The following IL1RAPL2 variants were observed in gnomAD, a reference collection of about 807,000 sequenced individuals.
IL1RAPL2 encodes the protein interleukin 1 receptor accessory protein like 2.
Under a neutral mutation model 44.1 loss-of-function variants are expected in IL1RAPL2, and 3 were observed. That is an observed-to-expected ratio of 0.07 (90% CI 0.03 to 0.18). The LOEUF is 0.18. IL1RAPL2 is among the 10% of genes least tolerant of loss of function. The pLI is 1.00. For missense variants in IL1RAPL2, 391 were observed against 496.4 expected, an observed-to-expected ratio of 0.79 and a Z score of 2.02; for synonymous variants, 181 against 178.8, an observed-to-expected ratio of 1.01 and a Z score of -0.10.
chrX:105,734,241 T>C (rs1222145352), intron 7 of IL1RAPL2, among the ~76,000 whole-genome samples: 1 of 110,850 alleles, frequency 9.0e-6, no homozygotes, highest in Non-Finnish European at 1.9e-5. Context: ...CTTGTGCCCC[T>C]GGTATGTTAC....
rs375584864 is a variant in IL1RAPL2, at chrX:104,959,219, A to G, written c.83-236256A>G. On this transcript the variant is annotated intron_variant, in intron 2 of 10. Transcript: ENST00000372582. ...GAAAAAGCCTTAAGAAGGGTAGTAC[A>G]TCAGACTAGTGATGCCCATTCGTGT... 3.0e-4 allele frequency among the ~76,000 whole-genome samples: 33 copies of G among 111,789 alleles called. 1 individual carries two copies. The East Asian group carries it at 9.0e-3, about 31-fold the overall frequency.
intron 1 of IL1RAPL2, among the ~76,000 whole-genome samples, chrX:104,649,373 G>C (rs777979984): frequency 9.0e-6 from 1 of 111,309 alleles, no homozygotes; most frequent in African/African-American, 3.3e-5. Flanking sequence ...TAACTATTGA[G>C]GTCCTTTCCA....
intron 2 of IL1RAPL2, among the ~76,000 whole-genome samples, chrX:105,168,674 G>C: frequency 9.1e-6 from 1 of 109,450 alleles, no homozygotes; most frequent in Non-Finnish European, 1.9e-5. Context: ...AGTTCAATCT[G>C]AAGGCAGGAA....
chrX:105,143,724 C>A (rs977736323), intron 2 of IL1RAPL2, among the ~76,000 whole-genome samples: 2 of 111,695 alleles, frequency 1.8e-5, no homozygotes, highest in Non-Finnish European at 3.8e-5. Context: ...TCTATTTTCT[C>A]ACAGAGACAC....
chrX:104,842,795 C>T (rs1246503655), intron 2 of IL1RAPL2, among the ~76,000 whole-genome samples: 1 of 112,451 alleles, frequency 8.9e-6, no homozygotes, highest in Admixed American at 9.3e-5. Context: ...GGCCTGATGC[C>T]AGCTGGAGCT....
At chrX:105,636,985 TG>T (rs754409427) in intron 6 of IL1RAPL2, among the ~76,000 whole-genome samples, 27 of 110,340 alleles carry the variant, frequency 2.4e-4, no homozygotes, top group Admixed American at 1.9e-3. Context: ...AAGTCTTAGG[TG>T]GGGGGGAGTA....
intron 2 of IL1RAPL2, among the ~76,000 whole-genome samples, chrX:105,133,541 C>T (rs886243256): frequency 3.6e-5 from 4 of 111,851 alleles, no homozygotes; most frequent in Non-Finnish European, 7.5e-5. Context: ...TGAATTTGCT[C>T]ACAGAACCAA....
intron 2 of IL1RAPL2, among the ~76,000 whole-genome samples, chrX:104,980,562 C>T (rs910589562): frequency 8.9e-6 from 1 of 112,626 alleles, no homozygotes; most frequent in African/African-American, 3.2e-5. Flanking sequence ...TGCCCTCTGC[C>T]TACAAAGGCA....
In IL1RAPL2 at chrX:105,489,431, T is replaced by C. The variant is rs949401380; in HGVS notation, c.772+5044T>C. Among the ~76,000 whole-genome samples, 3 of 111,929 alleles carry C rather than the reference T, an allele frequency of 2.7e-5. No individual in the cohort carries two copies. The Admixed American group carries it at 2.8e-4, about 11-fold the overall frequency. On this transcript the variant is annotated intron_variant, in intron 6 of 10. Coordinates refer to ENST00000372582, the MANE Select transcript of IL1RAPL2 (RefSeq NM_017416.2). ...AAATATTGTAAGGACATGTGCCCCA[T>C]TTGAAATATATTCATGCTAGATAGA...
intron 1 of IL1RAPL2, among the ~76,000 whole-genome samples, chrX:104,614,394 A>T (rs937866727): frequency 9.0e-6 from 1 of 111,705 alleles, no homozygotes; most frequent in African/African-American, 3.3e-5. Flanking sequence ...GTATTCCAAG[A>T]GTATGATTTT....
chrX:105,757,480 A>G (rs2038648978), intron 10 of IL1RAPL2, among the ~76,000 whole-genome samples: 1 of 112,180 alleles, frequency 8.9e-6, no homozygotes, highest in African/African-American at 3.2e-5. Flanking sequence ...CCCTATAGTC[A>G]TCTAGCAGAA....
In IL1RAPL2 at chrX:105,087,368, T is replaced by C. The variant is rs183284929; in HGVS notation, c.83-108107T>C. ...TCTTCCCTATCAAATAAGTTTGCCT[T>C]TGGGGCAAAACTACCTATAGTAGGG... On this transcript the variant is annotated intron_variant, in intron 2 of 10. Transcript: ENST00000372582. 4.9e-3 allele frequency among the ~76,000 whole-genome samples: 547 copies of C among 111,966 alleles called. 5 individuals carry two copies. The highest frequency in any genetic ancestry group is 0.016 in the African/African-American group (507 of 30,918).
At chrX:105,472,407 GA>G (rs1387207898) in intron 5 of IL1RAPL2, among the ~76,000 whole-genome samples, 4 of 111,417 alleles carry the variant, frequency 3.6e-5, no homozygotes, top group Non-Finnish European at 7.5e-5. Flanking sequence ...CCTTTTTCAT[GA>G]GATTTGGATC....
intron 2 of IL1RAPL2, among the ~76,000 whole-genome samples, chrX:104,708,980 G>A (rs1263591947): frequency 9.0e-6 from 1 of 111,416 alleles, no homozygotes; most frequent in Non-Finnish European, 1.9e-5. Context: ...AAATTTGTAA[G>A]ATAGATGATT....
At chrX:104,886,917 A>C (rs781351375) in intron 2 of IL1RAPL2, among the ~76,000 whole-genome samples, 1 of 111,708 alleles carries the variant, frequency 9.0e-6, no homozygotes, top group Admixed American at 9.5e-5. Flanking sequence ...CAGTTTGGAA[A>C]CCTCATGCAA....
intron 2 of IL1RAPL2, among the ~76,000 whole-genome samples, chrX:105,017,147 G>A (rs2031196161): frequency 1.8e-5 from 2 of 111,060 alleles, no homozygotes; most frequent in African/African-American, 3.3e-5. Context: ...GATCAGTGGT[G>A]ATATCCCCTT....
intron 1 of IL1RAPL2, among the ~76,000 whole-genome samples, chrX:104,567,492 C>T (rs765138587): frequency 8.9e-6 from 1 of 112,611 alleles, no homozygotes; most frequent in South Asian, 3.6e-4. Flanking sequence ...CGAGGGGTTC[C>T]CCAGCAATAC....
intron 2 of IL1RAPL2, among the ~76,000 whole-genome samples, chrX:105,021,429 T>G (rs769030172): frequency 9.0e-6 from 1 of 110,608 alleles, no homozygotes; most frequent in Admixed American, 9.6e-5. Flanking sequence ...GCTCGGAGTT[T>G]ATGGGTGGCC....
chrX:105,026,674 T>C (rs1325379976), intron 2 of IL1RAPL2, among the ~76,000 whole-genome samples: 1 of 110,521 alleles, frequency 9.0e-6, no homozygotes, highest in Non-Finnish European at 1.9e-5. Flanking sequence ...AAAACACTGA[T>C]GAAAGAAATT....
Sources: gnomAD v4.1 joint callset for allele counts (sites outside exome capture counted in the v4.1 genomes callset) on GRCh38, gnomAD v4.1.1 for gene constraint, MANE v1.5 for transcripts, NCBI Gene and HGNC (gene_info 2026-07-23, HGNC 2026-07-21) for gene names.